The following DNAH12 variants were observed in gnomAD, a reference collection of about 807,000 sequenced individuals.
The protein encoded by DNAH12 is axonemal beta dynein heavy chain 12.
A neutral mutation model predicts 371.5 loss-of-function variants in DNAH12; 285 were observed. The ratio of observed to expected loss-of-function variants is 0.77; its 90% CI spans 0.70 to 0.85. The LOEUF (loss-of-function observed/expected upper bound fraction) is 0.85. Among genes scored for constraint, DNAH12 ranks in the 40% least tolerant of loss-of-function variants. The pLI, the probability that DNAH12 is intolerant of heterozygous loss-of-function variation, is 0.00. For synonymous variants in DNAH12, 1,200 were observed against 1,213.0 expected (o/e 0.99, Z 0.22); for missense variants, 3,611 against 3,689.4 (o/e 0.98, Z 0.55).
intron 9 of DNAH12, among the ~76,000 whole-genome samples, chr3:57,503,393 G>C (rs2067628155): frequency 1.3e-5 from 2 of 149,846 alleles, no homozygotes; most frequent in African/African-American, 5.0e-5. Context: ...ATTTATTATT[G>C]GTTTTTTTTT....
chr3:57,365,168 C>T (rs2063021261), intron 57 of DNAH12, among the ~76,000 whole-genome samples: 1 of 152,112 alleles, frequency 6.6e-6, no homozygotes, highest in Non-Finnish European at 1.5e-5. Context: ...TGTATGTTCA[C>T]TGCAGCACTA....
intron 58 of DNAH12, among the ~76,000 whole-genome samples, chr3:57,360,400 TC>T (rs2062899244): frequency 1.3e-5 from 2 of 152,160 alleles, no homozygotes; most frequent in Non-Finnish European, 2.9e-5. Context: ...TAGAAAGTCC[TC>T]TGTCCAGCCA....
chr3:57,512,472 T>C (rs912728141), intron 4 of DNAH12: 1 of 152,168 alleles, frequency 6.6e-6, no homozygotes, highest in Non-Finnish European at 1.5e-5. Flanking sequence ...GCAGCACATA[T>C]ACTAAAATTG....
intron 2 of DNAH12, 100 bp downstream of exon 2, chr3:57,542,601 C>T: frequency 2.0e-5 from 26 of 1,297,766 alleles, no homozygotes; most frequent in South Asian, 1.2e-4. Context: ...AGTATTTTAC[C>T]CATGAACAAC....
At chr3:57,491,786 T>C (rs1242743240) in intron 11 of DNAH12, among the ~76,000 whole-genome samples, 2 of 151,782 alleles carry the variant, frequency 1.3e-5, no homozygotes, top group African/African-American at 4.8e-5. Context: ...AAAAAAATAA[T>C]AATTTTTTTA....
At chr3:57,320,263 T>C (rs2061775867) in intron 65 of DNAH12, among the ~76,000 whole-genome samples, 2 of 152,222 alleles carry the variant, frequency 1.3e-5, no homozygotes, top group South Asian at 4.1e-4. Flanking sequence ...TGTTTTTATA[T>C]ATGTTCATTG....
intron 17 of DNAH12, 76 bp from the exon 18 acceptor site, chr3:57,462,951 G>T: frequency 1.0e-6 from 1 of 954,522 alleles, no homozygotes; most frequent in Non-Finnish European, 1.6e-6. Flanking sequence ...ATGAAGCCTT[G>T]ATGATATAAG....
chr3:57,490,182 C>T (rs2067069747), intron 11 of DNAH12, among the ~76,000 whole-genome samples: 1 of 151,938 alleles, frequency 6.6e-6, no homozygotes, highest in South Asian at 2.1e-4. Context: ...CAAAATACTC[C>T]AAGCCAGGCA....
intron 60 of DNAH12, among the ~76,000 whole-genome samples, chr3:57,343,845 C>G (rs2153316483): frequency 6.6e-6 from 1 of 152,312 alleles, no homozygotes; most frequent in South Asian, 2.1e-4. Flanking sequence ...ATTCTTTACT[C>G]TGCTGAGACG....
In DNAH12 at chr3:57,364,752, A is replaced by T. The variant is rs910948067; in HGVS notation, c.9168-966T>A. On this transcript the variant is annotated intron_variant, in intron 57 of 73. Coordinates refer to ENST00000495027, the MANE Select transcript of DNAH12 (RefSeq NM_001366028.2). ...GGTCTAATATCCAGAATCTACAAAG[A>T]ACTTAAACAAATTTACAAGAAAAGA... Among the ~76,000 whole-genome samples the T allele has an allele frequency of 2.0e-3, 308 of 152,330 alleles. 2 individuals are homozygous for T. Among genetic ancestry groups the T allele is most frequent in the South Asian group, 0.019 (91 of 4,820 alleles).
At chr3:57,355,489 A>AT (rs1412659632) in intron 59 of DNAH12, among the ~76,000 whole-genome samples, 5 of 151,676 alleles carry the variant, frequency 3.3e-5, no homozygotes, top group Admixed American at 1.3e-4. Context: ...TTATGCCTAA[A>AT]TTTTTTTTTA....
chr3:57,367,494 T>C (rs2063076871), intron 56 of DNAH12, among the ~76,000 whole-genome samples: 1 of 152,234 alleles, frequency 6.6e-6, no homozygotes, highest in Non-Finnish European at 1.5e-5. Context: ...CCTCCATCAA[T>C]TTTCAATCAT....
intron 35 of DNAH12, among the ~76,000 whole-genome samples, chr3:57,424,500 A>G (rs1054009511): frequency 6.9e-6 from 1 of 145,472 alleles, no homozygotes; most frequent in Non-Finnish European, 1.5e-5. Flanking sequence ...GATAGTTGCC[A>G]GGCGCGGTGG....
intron 45 of DNAH12, among the ~76,000 whole-genome samples, chr3:57,388,277 T>C (rs1191992097): frequency 1.3e-5 from 2 of 152,186 alleles, no homozygotes; most frequent in African/African-American, 4.8e-5. Context: ...TAAAACAGCA[T>C]TCCTTCCCCC....
At chr3:57,528,276 C>A (rs1025679735) in intron 2 of DNAH12, among the ~76,000 whole-genome samples, 1 of 151,672 alleles carries the variant, frequency 6.6e-6, no homozygotes, top group Admixed American at 6.6e-5. Context: ...GATCCACCCA[C>A]CTTGGCCTCC....
chr3:57,454,722 A>T (rs1399097855), intron 23 of DNAH12, 53 bp downstream of exon 23: 1 of 1,537,266 alleles, frequency 6.5e-7, no homozygotes, highest in Admixed American at 2.1e-5. Context: ...ATAAAATTAA[A>T]TTTTAAAAAA....
At chr3:57,449,629 G>A (rs1008100855) in intron 25 of DNAH12, among the ~76,000 whole-genome samples, 3 of 152,220 alleles carry the variant, frequency 2.0e-5, no homozygotes, top group South Asian at 2.1e-4. Context: ...AGGGCTGGCC[G>A]GCTGCTCAGA....
chr3:57,317,370 G>A (rs979876860), intron 65 of DNAH12, among the ~76,000 whole-genome samples: 2 of 151,994 alleles, frequency 1.3e-5, no homozygotes, highest in African/African-American at 4.8e-5. Flanking sequence ...CCATTAATAA[G>A]CAACTCCCTA....
chr3:57,468,750 T>G lies in DNAH12; in HGVS notation c.2335A>C (p.Ile779Leu). The G allele has an allele frequency of 1.4e-6, 2 of 1,444,038 alleles. No individual in the cohort carries two copies. The highest frequency in any genetic ancestry group is 1.8e-6 in the Non-Finnish European group (2 of 1,104,092). 89.5% of individuals were successfully genotyped at this position (1,444,038 alleles called of 1,614,324 possible). ...TATATTTATACCTTAAAAGCTTTTA[T>G]CTGTTCCATGACTGTACTGCACATA... ...ITMCSTVMEQIKAFKEYIPTV... is the reference protein window; with the variant it reads ...ITMCSTVMEQLKAFKEYIPTV... Residue 779 changes from isoleucine to leucine, a missense_variant, in exon 17 of 74, where the codon ATA becomes CTA. Physicochemically the swap from Ile to Leu is conservative, Grantham distance 5. This residue lies in a region of DNAH12 where 1,314 missense variants were observed against 1,398.7 expected (regional missense o/e 0.94). Coordinates refer to ENST00000495027, the MANE Select transcript of DNAH12 (RefSeq NM_001366028.2).
Sources: allele counts gnomAD v4.1 joint callset (sites outside exome capture counted in the v4.1 genomes callset), GRCh38; gene constraint gnomAD v4.1.1; regional missense constraint gnomAD v4.1.1; transcripts MANE v1.5; gene names NCBI Gene and HGNC (gene_info 2026-07-23, HGNC 2026-07-21).